ZP2: variants seen among roughly 807,000 people sequenced by gnomAD.
ZP2 encodes zona pellucida sperm-binding protein 2.
A neutral mutation model predicts 84.0 loss-of-function variants in ZP2; 51 were observed. The observed-to-expected ratio is 0.61, with a 90% CI of 0.49 to 0.77. The LOEUF (loss-of-function observed/expected upper bound fraction) is 0.77. ZP2 is among the 30% of genes least tolerant of loss of function. ZP2 has a pLI of 0.00. For synonymous variants in ZP2, 375 were observed against 330.9 expected (o/e 1.13, Z -1.45); for missense variants, 909 against 911.9 (o/e 1.00, Z 0.04).
Position 21,197,510 on chromosome 16 carries a change from C to A in ZP2, c.2208G>T (p.Leu736=). ...VVATLGFIYY[L]YEKRTVSNH ...GATTTGACACAGTCCTTTTCTCGTA[C>A]AGGTAGTAGATGAAGCCTAGAGTTG... Residue 736 remains leucine, a synonymous_variant, in exon 19 of 19, where the codon CTG becomes CTT. Coordinates refer to ENST00000574091, the MANE Select transcript of ZP2 (RefSeq NM_001376232.1). 1 of 1,614,138 alleles carries A rather than the reference C, an allele frequency of 6.2e-7. No individual in the cohort carries two copies. The highest frequency in any genetic ancestry group is 8.5e-7 in the Non-Finnish European group (1 of 1,180,020).
chr16:21,211,842 T>G (rs2093276766), upstream of ZP2: 2 of 1,316,334 alleles, frequency 1.5e-6, no homozygotes, highest in South Asian at 1.7e-5. Flanking sequence ...TAGGATCTTT[T>G]GGGCAAATTA....
chr16:21,197,685 C>A, intron 18 of ZP2, 63 bp from the exon 19 acceptor site: 2 of 1,608,894 alleles, frequency 1.2e-6, no homozygotes, highest in East Asian at 4.5e-5. Context: ...GGAAGCCTTA[C>A]ATAAGGCTCC....
At position 21,209,621 on chromosome 16, in the gene ZP2, A is replaced by C. The variant is rs1298127785; in HGVS notation, c.330+10T>G. The C allele has an allele frequency of 6.2e-7, 1 of 1,613,546 alleles. No individual in the cohort carries two copies. The highest frequency in any genetic ancestry group is 2.2e-5 in the East Asian group (1 of 44,894). On this transcript the variant is annotated intron_variant, in intron 4 of 18. Transcript: ENST00000574091. ...TACTTCCCCAAGAACTGCTCAAAGC[A>C]ATGACTTACCACTCTCCTGGTACAG...
At chr16:21,203,888 C>T in intron 9 of ZP2, 142 bp downstream of exon 9, 1 of 804,272 alleles carries the variant, frequency 1.2e-6, no homozygotes, top group Non-Finnish European at 2.0e-6. Context: ...ACAAGATGAT[C>T]AAATGAGGCC....
intron 10 of ZP2, among the ~76,000 whole-genome samples, chr16:21,202,865 TC>T (rs2093232430): frequency 6.6e-6 from 1 of 152,180 alleles, no homozygotes; most frequent in African/African-American, 2.4e-5. Context: ...TACCTAGATG[TC>T]AGGTTCAGGC....
Position 21,201,365 on chromosome 16 carries a change from C to A in ZP2, c.1694+4G>T. 6.4e-7 allele frequency: 1 copy of A among 1,561,856 alleles called. No individual in the cohort carries two copies. The highest frequency in any genetic ancestry group is 8.7e-7 in the Non-Finnish European group (1 of 1,153,466). On this transcript the variant is annotated splice_donor_region_variant and intron_variant, in intron 14 of 18. Coordinates refer to ENST00000574091, the MANE Select transcript of ZP2 (RefSeq NM_001376232.1). ...GGTAACCTGATAGTACAGGGAGTACCTACCCATCCACGACAACGTTCCACT... is the reference window on the plus strand; with the variant it reads ...GGTAACCTGATAGTACAGGGAGTACATACCCATCCACGACAACGTTCCACT...
chr16:21,205,617 T>C (rs759145673), intron 6 of ZP2, 33 bp from the exon 7 acceptor site: 2 of 1,613,544 alleles, frequency 1.2e-6, no homozygotes, highest in Non-Finnish European at 1.7e-6. Context: ...AGAGGGCTGG[T>C]GCTCCCTTAA....
intron 7 of ZP2, 89 bp from the exon 8 acceptor site, chr16:21,204,493 G>T: frequency 9.9e-7 from 1 of 1,011,728 alleles, no homozygotes; most frequent in Non-Finnish European, 1.5e-6. Flanking sequence ...ATATATCCAA[G>T]TAATGGGCAC....
chr16:21,199,498 A>G, intron 16 of ZP2, 72 bp downstream of exon 16: 1 of 1,327,528 alleles, frequency 7.5e-7, no homozygotes, highest in South Asian at 1.5e-5. Flanking sequence ...CCAGTCCTTA[A>G]GATCTTCTAT....
chr16:21,200,887 G>A (rs184582152), intron 14 of ZP2, among the ~76,000 whole-genome samples: 68 of 152,264 alleles, frequency 4.5e-4, no homozygotes, highest in Middle Eastern at 6.8e-3. Flanking sequence ...CATTCCTTAA[G>A]ATTCAAGAGG....
At position 21,201,301 on chromosome 16, in the gene ZP2, G is replaced by T. The variant is rs933933058; in HGVS notation, c.1694+68C>A. On this transcript the variant is annotated intron_variant, in intron 14 of 18. Transcript: ENST00000574091. ...GAATGCTGCTCTAAAGCCCAAGAGGGTTTATTCCCATTACTGGCAAGTTTT... is the reference window on the plus strand; with the variant it reads ...GAATGCTGCTCTAAAGCCCAAGAGGTTTTATTCCCATTACTGGCAAGTTTT... 5.6e-6 allele frequency: 8 copies of T among 1,420,060 alleles called. No individual in the cohort carries two copies. In the Admixed American group the frequency reaches 7.1e-5, roughly 13 times the overall value. The allele number at this position is 1,420,060 out of a possible 1,614,324, so 88.0% of individuals were successfully genotyped here.
chr16:21,209,172 C>T (rs954367633), intron 4 of ZP2, among the ~76,000 whole-genome samples: 1 of 152,078 alleles, frequency 6.6e-6, no homozygotes, highest in Non-Finnish European at 1.5e-5. Context: ...GGACAGATTC[C>T]CCCCACCCTC....
At chr16:21,203,882 G>A in intron 9 of ZP2, 148 bp downstream of exon 9, 2 of 755,220 alleles carry the variant, frequency 2.6e-6, no homozygotes, top group Non-Finnish European at 4.4e-6. Context: ...ACTTATACAA[G>A]ATGATCAAAT....
upstream of ZP2, chr16:21,211,643 G>A: frequency 1.2e-6 from 2 of 1,604,312 alleles, no homozygotes; most frequent in Non-Finnish European, 1.7e-6. Context: ...TCCCCATTGG[G>A]GGCACCTGAA....
At chr16:21,207,932 C>A (rs936842470) in intron 4 of ZP2, among the ~76,000 whole-genome samples, 6 of 151,810 alleles carry the variant, frequency 4.0e-5, no homozygotes, top group South Asian at 2.1e-4. Context: ...ACAAAAAAAA[C>A]CCATGAACTA....
intron 5 of ZP2, among the ~76,000 whole-genome samples, chr16:21,206,445 ACT>A (rs1355491691): frequency 6.6e-6 from 1 of 151,974 alleles, no homozygotes; most frequent in Non-Finnish European, 1.5e-5. Flanking sequence ...GCCATGTTAG[ACT>A]CTAAACCCAT....
intron 4 of ZP2, among the ~76,000 whole-genome samples, chr16:21,207,551 T>C (rs1284775177): frequency 6.6e-6 from 1 of 152,020 alleles, no homozygotes; most frequent in Non-Finnish European, 1.5e-5. Context: ...TTTGGGAGGC[T>C]GAGGCAGACT....
upstream of ZP2, chr16:21,211,626 C>T (rs2093275953): frequency 6.2e-7 from 1 of 1,609,662 alleles, no homozygotes; most frequent in African/African-American, 1.3e-5. Flanking sequence ...GCCGCATCCA[C>T]ACCCTCTCCC....
chr16:21,198,902 TA>T (rs2093211942), intron 16 of ZP2, 40 bp from the exon 17 acceptor site: 2 of 1,557,950 alleles, frequency 1.3e-6, no homozygotes. Context: ...GCCTCTGGAA[TA>T]GTGGTTCGAG....
Sources: allele counts gnomAD v4.1 joint callset (sites outside exome capture counted in the v4.1 genomes callset), GRCh38; gene constraint gnomAD v4.1.1; transcripts MANE v1.5; gene names NCBI Gene and HGNC (gene_info 2026-07-23, HGNC 2026-07-21).